CDCA2: variants seen among roughly 807,000 people sequenced by gnomAD.
CDCA2 encodes the protein cell division cycle-associated protein 2.
Under a neutral mutation model 67.0 loss-of-function variants are expected in CDCA2, and 44 were observed. The observed-to-expected ratio is 0.66, with a 90% CI of 0.52 to 0.84. CDCA2 has a LOEUF of 0.84. Among genes scored for constraint, CDCA2 ranks in the 40% least tolerant of loss-of-function variants. The pLI, the probability that CDCA2 is intolerant of heterozygous loss-of-function variation, is 0.00. For synonymous variants in CDCA2, 447 were observed against 418.7 expected, an observed-to-expected ratio of 1.07 and a Z score of -0.82; for missense variants, 1,253 against 1,203.2, an observed-to-expected ratio of 1.04 and a Z score of -0.61.
intron 13 of CDCA2, among the ~76,000 whole-genome samples, chr8:25,497,492 T>TTAA (rs1554526549): frequency 5.8e-5 from 2 of 34,190 alleles, no homozygotes; most frequent in Admixed American, 3.6e-4. Context: ...GTGGAATCTT[T>TTAA]AAAAAATAAA....
At chr8:25,470,079 T>A (rs1419771931) in intron 7 of CDCA2, 99 bp downstream of exon 7, 2 of 790,120 alleles carry the variant, frequency 2.5e-6, no homozygotes, top group Non-Finnish European at 4.2e-6. Flanking sequence ...TGAAATTGTT[T>A]CCTACTTTTT....
In CDCA2 at chr8:25,466,181, C is replaced by T; in HGVS notation, c.394C>T (p.Pro132Ser). ...LAQDSPSQGS[P>S]ALYRNVNTLR... ...ATATTTTGCACTTTCACAGGGCAGC[C>T]CTGCACTGTATCGAAATGTTAACAC... is the stretch of plus-strand genomic sequence containing the variant. Residue 132 changes from proline (P) to serine (S), a missense_variant, in exon 5 of 15, where the codon CCT becomes TCT. Pro to Ser is a moderately conservative substitution (Grantham distance 74). Coordinates refer to ENST00000330560, the MANE Select transcript of CDCA2 (RefSeq NM_152562.4). 6.2e-7 allele frequency: 1 copy of T among 1,609,048 alleles called. No individual in the cohort carries two copies. Among genetic ancestry groups the T allele is most frequent in the East Asian group, 2.2e-5 (1 of 44,654 alleles).
chr8:25,485,460 T>C lies in CDCA2; in HGVS notation c.1366-299T>C, dbSNP rs1803735637. 3.3e-5 allele frequency among the ~76,000 whole-genome samples: 5 copies of C among 152,250 alleles called. No homozygotes were observed. In the South Asian group the frequency reaches 1.0e-3, roughly 32 times the overall value. On this transcript the variant is annotated intron_variant, in intron 10 of 14. Coordinates refer to ENST00000330560, the MANE Select transcript of CDCA2 (RefSeq NM_152562.4). Reference sequence around the variant, plus strand: ...TGAATGAATTTTTAAATTTTCTTTATAGGAGTTAGAAATTTAGCAGTAGAT... The same window carrying C: ...TGAATGAATTTTTAAATTTTCTTTACAGGAGTTAGAAATTTAGCAGTAGAT...
intron 13 of CDCA2, among the ~76,000 whole-genome samples, chr8:25,497,669 A>G (rs910388049): frequency 6.6e-6 from 1 of 152,100 alleles, no homozygotes; most frequent in African/African-American, 2.4e-5. Context: ...TGACTAGGAA[A>G]TAATAATGTA....
chr8:25,488,667 G>T lies in CDCA2; in HGVS notation c.1649G>T (p.Arg550Ile). ...RKSQETKCTK[R>I]ALPKKSQVLK... is the part of the protein sequence containing the mutation. ...TCTCAAGAAACAAAGTGTACAAAGA[G>T]AGCACTTCCTAAGAAGAGTCAGGTA... is the stretch of plus-strand genomic sequence containing the variant. The change falls in exon 13 of 15, where the codon AGA becomes ATA. Residue 550 changes from arginine (R) to isoleucine (I), a missense_variant. Physicochemically the swap from Arg to Ile is moderately conservative, Grantham distance 97 (BLOSUM62 -3). Coordinates refer to ENST00000330560, the MANE Select transcript of CDCA2 (RefSeq NM_152562.4). The T allele has an allele frequency of 6.2e-7, 1 of 1,609,682 alleles. No homozygotes were observed. The highest frequency in any genetic ancestry group is 1.1e-5 in the South Asian group (1 of 90,258).
chr8:25,503,555 A>T lies in CDCA2; in HGVS notation c.1843+11A>T. 6.3e-7 allele frequency: 1 copy of T among 1,581,802 alleles called. No homozygotes were observed. The highest frequency in any genetic ancestry group is 8.5e-7 in the Non-Finnish European group (1 of 1,169,764). On this transcript the variant is annotated intron_variant, in intron 14 of 14. Coordinates refer to ENST00000330560, the MANE Select transcript of CDCA2 (RefSeq NM_152562.4). ...GAAGACTGGGTTCAGGTATCCTGACATTTTCCTGGTAGTTATATTTTATCT... is the reference window on the plus strand; with the variant it reads ...GAAGACTGGGTTCAGGTATCCTGACTTTTTCCTGGTAGTTATATTTTATCT...
At position 25,503,434 on chromosome 8, in the gene CDCA2, A is replaced by G. The variant is rs1156345862; in HGVS notation, c.1733A>G (p.Tyr578Cys). 1.2e-6 allele frequency: 2 copies of G among 1,614,126 alleles called. No homozygotes were observed. The highest frequency in any genetic ancestry group is 1.7e-6 in the Non-Finnish European group (2 of 1,179,940). Residue 578 changes from tyrosine to cysteine, a missense_variant, in exon 14 of 15, where the codon TAT becomes TGT. By Grantham distance (194) the Tyr-to-Cys change is radical. Transcript: ENST00000330560. ...KGKKSVQKSL[Y>C]GERDIASKKP... ...AAGAAAAGTGTTCAGAAATCTTTATATGGGGAAAGAGACATTGCTTCTAAG... is the reference window on the plus strand; with the variant it reads ...AAGAAAAGTGTTCAGAAATCTTTATGTGGGGAAAGAGACATTGCTTCTAAG...
chr8:25,506,826 A>G lies in CDCA2; in HGVS notation c.2160A>G (p.Glu720=). The change falls in exon 15 of 15, where the codon GAA becomes GAG. Residue 720 remains glutamate (E), a synonymous_variant. Coordinates refer to ENST00000330560, the MANE Select transcript of CDCA2 (RefSeq NM_152562.4). Reference sequence around the variant, plus strand: ...TTTCTTGTGCTTCTGTAACTGAAGAACGTGTGGCATCAGATAGTCCCAAAC... The same window carrying G: ...TTTCTTGTGCTTCTGTAACTGAAGAGCGTGTGGCATCAGATAGTCCCAAAC... The part of the protein sequence containing the change: ...SPVSCASVTE[E]RVASDSPKPA... The G allele has an allele frequency of 6.2e-7, 1 of 1,614,066 alleles. No homozygotes were observed. Among genetic ancestry groups the G allele is most frequent in the Non-Finnish European group, 8.5e-7 (1 of 1,180,002 alleles).
At chr8:25,494,275 C>A (rs1199758819) in intron 13 of CDCA2, among the ~76,000 whole-genome samples, 1 of 151,626 alleles carries the variant, frequency 6.6e-6, no homozygotes, top group African/African-American at 2.4e-5. Context: ...GCCTGGTCAA[C>A]ATAGCACAAC....
At chr8:25,481,953 A>G (rs1406169749) in intron 8 of CDCA2, among the ~76,000 whole-genome samples, 1 of 152,170 alleles carries the variant, frequency 6.6e-6, no homozygotes, top group Non-Finnish European at 1.5e-5. Flanking sequence ...AGAGCAGGTA[A>G]TGTTCTTAGA....
intron 8 of CDCA2, among the ~76,000 whole-genome samples, chr8:25,482,553 C>T (rs1343265327): frequency 6.6e-6 from 1 of 152,154 alleles, no homozygotes; most frequent in Non-Finnish European, 1.5e-5. Flanking sequence ...ATTAACAATA[C>T]CATGTAACAA....
At chr8:25,503,749 ATCTGAT>A (rs1804568132) in intron 14 of CDCA2, among the ~76,000 whole-genome samples, 1 of 152,228 alleles carries the variant, frequency 6.6e-6, no homozygotes, top group African/African-American at 2.4e-5. Context: ...CCTTTTCAGA[ATCTGAT>A]GGAAACTGGA....
intron 7 of CDCA2, among the ~76,000 whole-genome samples, chr8:25,470,675 T>A (rs1222690871): frequency 1.3e-5 from 2 of 152,324 alleles, no homozygotes; most frequent in East Asian, 1.9e-4. Flanking sequence ...CAGCCATGGC[T>A]TTTATGATCC....
In CDCA2 at chr8:25,494,919, G is replaced by A. The variant is rs114906517; in HGVS notation, c.1671+6230G>A. On this transcript the variant is annotated intron_variant, in intron 13 of 14. Transcript: ENST00000330560. ...CCATGTGAGGACACAGCAAGAAGGT[G>A]GCCATCTGAAGGCCAAGGAGAGAGG... Among the ~76,000 whole-genome samples, 507 of 152,256 alleles carry A rather than the reference G, an allele frequency of 3.3e-3. 1 individual carries two copies. The highest frequency in any genetic ancestry group is 0.012 in the African/African-American group (495 of 41,550).
chr8:25,470,253 T>C (rs1803099362), intron 7 of CDCA2, among the ~76,000 whole-genome samples: 1 of 152,192 alleles, frequency 6.6e-6, no homozygotes, highest in Non-Finnish European at 1.5e-5. Context: ...TTCTTTGTTA[T>C]AGGAACACTA....
intron 13 of CDCA2, among the ~76,000 whole-genome samples, chr8:25,491,026 C>A (rs889018029): frequency 3.3e-5 from 5 of 152,088 alleles, no homozygotes; most frequent in African/African-American, 9.7e-5. Context: ...ATTTTACATA[C>A]ATAAATACTC....
intron 7 of CDCA2, 25 bp from the exon 8 acceptor site, chr8:25,479,887 CT>C: frequency 1.2e-6 from 2 of 1,601,578 alleles, no homozygotes; most frequent in Non-Finnish European, 1.7e-6. Flanking sequence ...TCTTCTGCCT[CT>C]CAAGTTTACA....
At chr8:25,462,284 T>G (rs1422494526) in intron 4 of CDCA2, 76 bp downstream of exon 4, 2 of 1,445,232 alleles carry the variant, frequency 1.4e-6, no homozygotes, top group Admixed American at 3.6e-5. Flanking sequence ...TTCTAGTGCA[T>G]CTGCTCTGTT....
intron 14 of CDCA2, among the ~76,000 whole-genome samples, chr8:25,506,309 T>G (rs1463888237): frequency 6.6e-6 from 1 of 152,218 alleles, no homozygotes; most frequent in East Asian, 1.9e-4. Context: ...GTTGAATACC[T>G]ATTTTCTTAA....
Sources: gnomAD v4.1 joint callset for allele counts (sites outside exome capture counted in the v4.1 genomes callset) on GRCh38, gnomAD v4.1.1 for gene constraint, MANE v1.5 for transcripts, NCBI Gene and HGNC (gene_info 2026-07-23, HGNC 2026-07-21) for gene names.